Variants in SYNPO2 observed in about 807,000 individuals in gnomAD.
SYNPO2 encodes the protein synaptopodin 2, also known as synaptopodin-2.
A neutral mutation model predicts 85.0 loss-of-function variants in SYNPO2; 56 were observed. The observed-to-expected ratio is 0.66, with a 90% CI of 0.53 to 0.82. The LOEUF is 0.82. Among genes scored for constraint, SYNPO2 ranks in the 40% least tolerant of loss-of-function variants. SYNPO2 has a pLI of 0.00. For synonymous variants in SYNPO2, 602 were observed against 591.1 expected (o/e 1.02, Z -0.27); for missense variants, 1,575 against 1,534.2 (o/e 1.03, Z -0.44).
chr4:119,007,634 G>A (rs1240142188), intron 1 of SYNPO2, among the ~76,000 whole-genome samples: 1 of 152,000 alleles, frequency 6.6e-6, no homozygotes, highest in Non-Finnish European at 1.5e-5. Context: ...GCACTCATCA[G>A]CGGCACCAGA....
intron 1 of SYNPO2, among the ~76,000 whole-genome samples, chr4:118,865,280 T>C (rs576944736): frequency 2.8e-4 from 42 of 152,350 alleles, no homozygotes; most frequent in African/African-American, 9.9e-4. Flanking sequence ...CCTCTCTCTG[T>C]TCTGGCAATG....
At chr4:118,904,984 AT>A (rs1055293292) in intron 1 of SYNPO2, among the ~76,000 whole-genome samples, 2 of 152,186 alleles carry the variant, frequency 1.3e-5, no homozygotes, top group African/African-American at 4.8e-5. Context: ...GGTCTCCAGT[AT>A]TTTGGCTGCT....
chr4:119,014,113 T>C (rs1449066181), intron 1 of SYNPO2, among the ~76,000 whole-genome samples: 4 of 152,216 alleles, frequency 2.6e-5, no homozygotes, highest in African/African-American at 4.8e-5. Context: ...CTGTCTTCTA[T>C]TGAGCTCAGA....
At chr4:118,993,600 A>G (rs564760839) in intron 1 of SYNPO2, among the ~76,000 whole-genome samples, 1 of 152,230 alleles carries the variant, frequency 6.6e-6, no homozygotes, top group East Asian at 1.9e-4. Flanking sequence ...TTCAAGCACA[A>G]GTCTCTTGGC....
chr4:118,905,198 T>C (rs887383073), intron 1 of SYNPO2, among the ~76,000 whole-genome samples: 4 of 152,176 alleles, frequency 2.6e-5, no homozygotes, highest in Admixed American at 2.6e-4. Context: ...TCCCATCATG[T>C]TATTTATTCC....
intron 1 of SYNPO2, among the ~76,000 whole-genome samples, chr4:118,957,321 T>C (rs1447822797): frequency 1.3e-5 from 2 of 152,190 alleles, no homozygotes; most frequent in East Asian, 3.9e-4. Context: ...GACTGGGTTC[T>C]GTCAACACAC....
chr4:119,053,604 A>G lies in SYNPO2; in HGVS notation c.3253-3797A>G, dbSNP rs531286219. ...GAAAGCCCTGGCTTACTCTTTCAAT[A>G]CCATACCTCAATATTTTAGTTTTCT... On this transcript the variant is annotated intron_variant, in intron 4 of 4. Coordinates refer to ENST00000307142, the MANE Select transcript of SYNPO2 (RefSeq NM_133477.3). 5.9e-5 allele frequency among the ~76,000 whole-genome samples: 9 copies of G among 152,274 alleles called. 1 individual carries two copies. The South Asian group carries it at 1.7e-3, about 28-fold the overall frequency.
At chr4:118,958,069 C>T (rs1734940870) in intron 1 of SYNPO2, among the ~76,000 whole-genome samples, 1 of 152,188 alleles carries the variant, frequency 6.6e-6, no homozygotes, top group African/African-American at 2.4e-5. Flanking sequence ...AAGTTGTGCT[C>T]ATTTCTTAGC....
At chr4:119,027,511 T>G in intron 3 of SYNPO2, 73 bp downstream of exon 3, 1 of 1,342,582 alleles carries the variant, frequency 7.4e-7, no homozygotes, top group Non-Finnish European at 9.9e-7. Flanking sequence ...CTTGCATGAG[T>G]TTTTCAGCAA....
At chr4:118,920,783 T>G (rs1213524167) in intron 1 of SYNPO2, among the ~76,000 whole-genome samples, 1 of 152,178 alleles carries the variant, frequency 6.6e-6, no homozygotes, top group Non-Finnish European at 1.5e-5. Flanking sequence ...CATTTTTTTT[T>G]GGACACCAAT....
In SYNPO2 at chr4:119,030,580, C is replaced by G. The variant is rs143987900; in HGVS notation, c.1805C>G (p.Pro602Arg). The G allele has an allele frequency of 1.1e-4, 180 of 1,614,156 alleles. No homozygotes were observed. Among genetic ancestry groups the G allele is most frequent in the East Asian group, 5.1e-4 (23 of 44,870 alleles). The change falls in exon 4 of 5, where the codon CCC becomes CGC. Residue 602 changes from proline to arginine, a missense_variant. Coordinates refer to ENST00000307142, the MANE Select transcript of SYNPO2 (RefSeq NM_133477.3). ...FPGSVNQPAT[P>R]FSPTRNMTSP... Reference sequence around the variant, plus strand: ...GGGTCTGTGAATCAGCCAGCTACCCCCTTCTCGCCAACCCGAAACATGACG... The same window carrying G: ...GGGTCTGTGAATCAGCCAGCTACCCGCTTCTCGCCAACCCGAAACATGACG...
At chr4:119,036,414 C>A (rs1419738530) in intron 4 of SYNPO2, 1 of 985,284 alleles carries the variant, frequency 1.0e-6, no homozygotes, top group African/African-American at 1.7e-5. Flanking sequence ...CTGGGGGACA[C>A]AAAGATGCCT....
At chr4:118,999,039 G>A (rs1008668254) in intron 1 of SYNPO2, among the ~76,000 whole-genome samples, 1 of 152,174 alleles carries the variant, frequency 6.6e-6, no homozygotes, top group Admixed American at 6.5e-5. Context: ...TTTGTCTTCT[G>A]GAAAATGGAT....
At position 119,031,363 on chromosome 4, in the gene SYNPO2, A is replaced by G. The variant is rs777692059; in HGVS notation, c.2588A>G (p.Asn863Ser). The change falls in exon 4 of 5, where the codon AAT (asparagine) becomes AGT (serine). Residue 863 changes from asparagine (N) to serine (S), a missense_variant. This residue lies in a region of SYNPO2 where 1,508 missense variants were observed against 1,446.8 expected (regional missense o/e 1.04). Coordinates refer to ENST00000307142, the MANE Select transcript of SYNPO2 (RefSeq NM_133477.3). The part of the protein sequence containing the change: ...AVQPGAVGPS[N>S]ELPGMSGRGA... ...CAGCCTGGTGCAGTGGGACCATCCA[A>G]TGAGCTTCCAGGAATGAGTGGGAGA... 45 of 1,613,996 alleles carry G rather than the reference A, an allele frequency of 2.8e-5. No individual in the cohort carries two copies. The highest frequency in any genetic ancestry group is 1.0e-4 in the Admixed American group (6 of 60,000).
chr4:118,973,310 GTTT>G (rs1236294993), intron 1 of SYNPO2, among the ~76,000 whole-genome samples: 1 of 151,618 alleles, frequency 6.6e-6, no homozygotes, highest in Non-Finnish European at 1.5e-5. Flanking sequence ...TTAAAAAGTA[GTTT>G]TATTATACAT....
chr4:119,047,661 C>T (rs1245304584), intron 4 of SYNPO2, among the ~76,000 whole-genome samples: 1 of 152,214 alleles, frequency 6.6e-6, no homozygotes, highest in Admixed American at 6.5e-5. Context: ...TATCCTCTAA[C>T]TTCAAGCTTG....
rs539923461 is a variant in SYNPO2, at chr4:118,977,050, C to A, written c.106-46380C>A. ...CTGCCAGTCCGGCGCCGTGCGCTCGCATTCCTCAGCCCTTGGGTGGTCGAT... is the reference window on the plus strand; with the variant it reads ...CTGCCAGTCCGGCGCCGTGCGCTCGAATTCCTCAGCCCTTGGGTGGTCGAT... On this transcript the variant is annotated intron_variant, in intron 1 of 4. Transcript: ENST00000307142. Among the ~76,000 whole-genome samples, 304 of 152,372 alleles carry A rather than the reference C, an allele frequency of 2.0e-3. 3 individuals are homozygous for A. The highest frequency in any genetic ancestry group is 7.0e-3 in the African/African-American group (291 of 41,596).
rs748752475 is a variant in SYNPO2 at position 119,030,507 on chromosome 4, A to G, written c.1732A>G (p.Asn578Asp). 1.2e-5 allele frequency: 20 copies of G among 1,614,086 alleles called. No individual in the cohort carries two copies. Among genetic ancestry groups the G allele is most frequent in the Non-Finnish European group, 1.4e-5 (17 of 1,179,966 alleles). The change falls in exon 4 of 5, where the codon AAC (asparagine) becomes GAC (aspartate). Residue 578 changes from asparagine (N) to aspartate (D), a missense_variant. Around this residue, in one of 3 missense-constraint regions of SYNPO2, gnomAD observed 1,508 missense variants for 1,446.8 expected, o/e 1.04. Coordinates refer to ENST00000307142, the MANE Select transcript of SYNPO2 (RefSeq NM_133477.3). ...NGFSGTSETA[N>D]IQRMVPMNRT... is the part of the protein sequence containing the mutation. ...CTTCAGTGGGACATCTGAGACAGCA[A>G]ACATCCAGAGGATGGTCCCCATGAA...
chr4:118,905,344 G>T (rs1732895910), intron 1 of SYNPO2, among the ~76,000 whole-genome samples: 1 of 151,964 alleles, frequency 6.6e-6, no homozygotes, highest in Non-Finnish European at 1.5e-5. Flanking sequence ...GATTTTTGAA[G>T]TCTCTTCTCC....
Sources: gnomAD v4.1 joint callset for allele counts (sites outside exome capture counted in the v4.1 genomes callset) on GRCh38, gnomAD v4.1.1 for gene constraint, gnomAD v4.1.1 regional missense constraint, MANE v1.5 for transcripts, NCBI Gene and HGNC (gene_info 2026-07-23, HGNC 2026-07-21) for gene names.